The following OR5K1 variants were observed in gnomAD, a reference collection of about 807,000 sequenced individuals.
OR5K1 encodes the protein olfactory receptor family 5 subfamily K member 1.
Under a neutral mutation model 10.4 loss-of-function variants are expected in OR5K1, and 7 were observed. That is an observed-to-expected ratio of 0.67 (90% CI 0.38 to 1.26). The LOEUF is 1.26. Among genes scored for constraint, OR5K1 ranks in the 50% most tolerant of loss-of-function variants. The probability of loss-of-function intolerance (pLI) is 0.02; values close to 1 mark genes in which losing one functional copy is unlikely to be tolerated. For missense variants in OR5K1, 435 were observed against 366.2 expected, an observed-to-expected ratio of 1.19 and a Z score of -1.53; for synonymous variants, 135 against 128.5, an observed-to-expected ratio of 1.05 and a Z score of -0.34.
intron 1 of OR5K1, among the ~76,000 whole-genome samples, chr3:98,469,119 C>T (rs1705410266): frequency 6.6e-6 from 1 of 152,092 alleles, no homozygotes. Context: ...AGAATGAGAT[C>T]ATGTCCTTTG....
Position 98,470,107 on chromosome 3 carries a change from T to C in OR5K1, c.531T>C (p.Phe177=). 1 of 1,613,670 alleles carries C rather than the reference T, an allele frequency of 6.2e-7. No individual in the cohort carries two copies. The highest frequency in any genetic ancestry group is 8.5e-7 in the Non-Finnish European group (1 of 1,179,702). Residue 177 remains phenylalanine, a synonymous_variant, in exon 2 of 2, where the codon TTT becomes TTC. Coordinates refer to ENST00000642057, the MANE Select transcript of OR5K1 (RefSeq NM_001004736.4). The part of the protein sequence containing the change: ...VFCGSNHINH[F]YCDILPLYRL... ...GTGGATCGAATCACATCAACCACTT[T>C]TACTGTGATATTCTTCCCTTGTATA...
chr3:98,470,061 T>A lies in OR5K1; in HGVS notation c.485T>A (p.Leu162His), dbSNP rs1325985920. Residue 162 changes from leucine (L) to histidine (H), a missense_variant, in exon 2 of 2, where the codon CTT (leucine) becomes CAT (histidine). Transcript: ENST00000642057. ...GNLHSMIHVG[L>H]VFRLVFCGSN... ...CTGCATTCCATGATTCATGTAGGGC[T>A]TGTATTTAGGTTAGTTTTCTGTGGA... 7 of 1,613,572 alleles carry A rather than the reference T, an allele frequency of 4.3e-6. No homozygotes were observed. Among genetic ancestry groups the A allele is most frequent in the Non-Finnish European group, 5.9e-6 (7 of 1,179,744 alleles).
chr3:98,463,827 C>T (rs543335949), intron 1 of OR5K1, among the ~76,000 whole-genome samples: 15 of 152,216 alleles, frequency 9.9e-5, no homozygotes, highest in African/African-American at 3.6e-4. Flanking sequence ...TTATTTCTAT[C>T]TGACCAATGG....
chr3:98,472,357 G>A lies in OR5K1; in HGVS notation c.*1854G>A, dbSNP rs1705459517. ...GCACTTCCGATGCTACACAATACCA[G>A]TACAATGTAGGATTTTGAAAGCTTA... On this transcript the variant is annotated 3_prime_UTR_variant, in exon 2 of 2. Transcript: ENST00000642057. 1.3e-5 allele frequency: 2 copies of A among 151,804 alleles called. No individual in the cohort carries two copies. The highest frequency in any genetic ancestry group is 2.9e-5 in the Non-Finnish European group (2 of 67,926). 9.4% of individuals were successfully genotyped at this position (151,804 alleles called of 1,614,324 possible). A position where few individuals can be genotyped will look rare whatever the true frequency, so the allele number is the denominator to read the frequency against.
rs1187232910 is a variant in OR5K1 at position 98,472,653 on chromosome 3, T to A, written c.*2150T>A. The stretch of plus-strand genomic sequence containing the variant: ...TTGGACTCAAAAATGAGACTCTGTC[T>A]TAGTCTATTCTCTCTGTCTGGAATA... On this transcript the variant is annotated 3_prime_UTR_variant, in exon 2 of 2. Coordinates refer to ENST00000642057, the MANE Select transcript of OR5K1 (RefSeq NM_001004736.4). The A allele has an allele frequency of 1.3e-5, 2 of 151,972 alleles. No homozygotes were observed. The highest frequency in any genetic ancestry group is 4.8e-5 in the African/African-American group (2 of 41,412). 9.4% of individuals were successfully genotyped at this position (151,972 alleles called of 1,614,324 possible). A position where few individuals can be genotyped will look rare whatever the true frequency, so the allele number is the denominator to read the frequency against.
At chr3:98,465,671 T>C (rs1024633765) in intron 1 of OR5K1, among the ~76,000 whole-genome samples, 1 of 152,090 alleles carries the variant, frequency 6.6e-6, no homozygotes, top group African/African-American at 2.4e-5. Flanking sequence ...ATTATGTTTC[T>C]CTGATTAGTA....
At position 98,470,921 on chromosome 3, in the gene OR5K1, GT is replaced by G. The variant is rs1400056186; in HGVS notation, c.*421del. Reference sequence around the variant, plus strand: ...TGAGCATTATGGTTAAACTGAAAGAGTTTAAGATCATATGATGGTCAACCAG... The same window carrying G: ...TGAGCATTATGGTTAAACTGAAAGAGTTAAGATCATATGATGGTCAACCAG... On this transcript the variant is annotated 3_prime_UTR_variant, in exon 2 of 2. Coordinates refer to ENST00000642057, the MANE Select transcript of OR5K1 (RefSeq NM_001004736.4). The G allele has an allele frequency of 2.6e-5, 4 of 153,232 alleles. No individual in the cohort carries two copies. Among genetic ancestry groups the G allele is most frequent in the Admixed American group, 6.5e-5 (1 of 15,336 alleles). The allele number at this position is 153,232 out of a possible 1,614,324, so 9.5% of individuals were successfully genotyped here. A position where few individuals can be genotyped will look rare whatever the true frequency, so the allele number is the denominator to read the frequency against.
chr3:98,470,750 G>T lies in OR5K1; in HGVS notation c.*247G>T. On this transcript the variant is annotated 3_prime_UTR_variant, in exon 2 of 2. Coordinates refer to ENST00000642057, the MANE Select transcript of OR5K1 (RefSeq NM_001004736.4). ...ATTTTGAACTCATTCAAGTAACAATGTAGTATGTTGTCAAGCTCTTGGTCT... is the reference window on the plus strand; with the variant it reads ...ATTTTGAACTCATTCAAGTAACAATTTAGTATGTTGTCAAGCTCTTGGTCT... 3.9e-6 allele frequency: 1 copy of T among 259,080 alleles called. No homozygotes were observed. 16.0% of individuals were successfully genotyped at this position (259,080 alleles called of 1,614,324 possible).
rs760771848 is a variant in OR5K1 at position 98,470,572 on chromosome 3, T to A, written c.*69T>A. On this transcript the variant is annotated 3_prime_UTR_variant, in exon 2 of 2. Transcript: ENST00000642057. ...GATTTAAATGCAGCAAAAACTTCCA[T>A]GTGAAATTACACAGGGGAAATGCAT... The A allele has an allele frequency of 1.3e-5, 12 of 893,544 alleles. No homozygotes were observed. Among genetic ancestry groups the A allele is most frequent in the South Asian group, 1.9e-5 (1 of 53,222 alleles). The allele number at this position is 893,544 out of a possible 1,614,324, so 55.4% of individuals were successfully genotyped here. A position where few individuals can be genotyped will look rare whatever the true frequency, so the allele number is the denominator to read the frequency against.
chr3:98,464,458 G>T (rs543173238), intron 1 of OR5K1, among the ~76,000 whole-genome samples: 34 of 152,056 alleles, frequency 2.2e-4, no homozygotes, highest in Middle Eastern at 6.8e-3. Flanking sequence ...TATCTAGGAG[G>T]GTCAGTCAAC....
chr3:98,463,547 T>C (rs1705336677), intron 1 of OR5K1, among the ~76,000 whole-genome samples: 1 of 152,192 alleles, frequency 6.6e-6, no homozygotes, highest in Non-Finnish European at 1.5e-5. Context: ...AAGCACACTT[T>C]TATAGTAATA....
At position 98,469,463 on chromosome 3, in the gene OR5K1, G is replaced by A. The variant is rs1369646994; in HGVS notation, c.-11-103G>A. 7.2e-6 allele frequency: 8 copies of A among 1,116,270 alleles called. No homozygotes were observed. In the Admixed American group the frequency reaches 1.8e-4, roughly 25 times the overall value. 69.1% of individuals were successfully genotyped at this position (1,116,270 alleles called of 1,614,324 possible). A position where few individuals can be genotyped will look rare whatever the true frequency, so the allele number is the denominator to read the frequency against. ...ATGCACCAAAGTCCAGGCAACATGA[G>A]GAAACATTGTGGAAGATGCTCTCCT... On this transcript the variant is annotated intron_variant, in intron 1 of 1. Coordinates refer to ENST00000642057, the MANE Select transcript of OR5K1 (RefSeq NM_001004736.4).
intron 1 of OR5K1, 128 bp from the exon 2 acceptor site, chr3:98,469,438 A>G: frequency 1.2e-6 from 1 of 803,438 alleles, no homozygotes; most frequent in Non-Finnish European, 2.0e-6. Flanking sequence ...TGAATGGGGC[A>G]TGCACCAAAG....
intron 1 of OR5K1, among the ~76,000 whole-genome samples, chr3:98,464,802 G>A (rs189782617): frequency 5.3e-5 from 8 of 152,280 alleles, no homozygotes; most frequent in African/African-American, 1.9e-4. Context: ...ACATATGCCT[G>A]AATAGTTTGA....
rs750113965 is a variant in OR5K1, at chr3:98,469,848, G to A, written c.272G>A (p.Arg91Lys). 2 of 1,613,660 alleles carry A rather than the reference G, an allele frequency of 1.2e-6. No individual in the cohort carries two copies. The highest frequency in any genetic ancestry group is 1.7e-5 in the Admixed American group (1 of 59,922). ...MLENFFSENK[R>K]ISLYECAVQF... ...GAGAACTTCTTTTCTGAGAACAAAA[G>A]GATTTCCCTCTATGAATGTGCAGTA... The change falls in exon 2 of 2, where the codon AGG becomes AAG. Residue 91 changes from arginine (R) to lysine (K), a missense_variant. Physicochemically the swap from Arg to Lys is conservative, Grantham distance 26 (BLOSUM62 2). Coordinates refer to ENST00000642057, the MANE Select transcript of OR5K1 (RefSeq NM_001004736.4).
At position 98,470,540 on chromosome 3, in the gene OR5K1, G is replaced by A. The variant is rs1428589395; in HGVS notation, c.*37G>A. The A allele has an allele frequency of 2.4e-6, 3 of 1,244,446 alleles. No homozygotes were observed. Among genetic ancestry groups the A allele is most frequent in the Non-Finnish European group, 3.4e-6 (3 of 883,328 alleles). The allele number at this position is 1,244,446 out of a possible 1,614,324, so 77.1% of individuals were successfully genotyped here. The stretch of plus-strand genomic sequence containing the variant: ...ATGGAAACAAGTGACATCTACTATA[G>A]CTTAATGATTTAAATGCAGCAAAAA... On this transcript the variant is annotated 3_prime_UTR_variant, in exon 2 of 2. Transcript: ENST00000642057.
Position 98,470,875 on chromosome 3 carries a change from T to A in OR5K1, c.*372T>A, listed in dbSNP as rs151100992. The A allele has an allele frequency of 1.1e-3, 180 of 160,662 alleles. 1 individual carries two copies. Among genetic ancestry groups the A allele is most frequent in the African/African-American group, 4.1e-3 (169 of 41,636 alleles). 10.0% of individuals were successfully genotyped at this position (160,662 alleles called of 1,614,324 possible). ...CATTAAGCATTGATAACCAGATAAGTTATTTTAATAGCTTAGAGCATGAGC... is the reference window on the plus strand; with the variant it reads ...CATTAAGCATTGATAACCAGATAAGATATTTTAATAGCTTAGAGCATGAGC... On this transcript the variant is annotated 3_prime_UTR_variant, in exon 2 of 2. Coordinates refer to ENST00000642057, the MANE Select transcript of OR5K1 (RefSeq NM_001004736.4).
chr3:98,466,412 C>G (rs947449242), intron 1 of OR5K1, among the ~76,000 whole-genome samples: 1 of 82,184 alleles, frequency 1.2e-5, no homozygotes, highest in Non-Finnish European at 2.2e-5. Context: ...GGGTATATAC[C>G]CAGTAATGGG....
chr3:98,469,029 A>C (rs1269083844), intron 1 of OR5K1, among the ~76,000 whole-genome samples: 2 of 152,082 alleles, frequency 1.3e-5, no homozygotes, highest in East Asian at 3.9e-4. Flanking sequence ...CATGGAATCA[A>C]CCTAAATGCC....
Sources: allele counts gnomAD v4.1 joint callset (sites outside exome capture counted in the v4.1 genomes callset), GRCh38; gene constraint gnomAD v4.1.1; transcripts MANE v1.5; gene names NCBI Gene and HGNC (gene_info 2026-07-23, HGNC 2026-07-21).